Variants in DDC observed in about 807,000 individuals in gnomAD.
The protein encoded by DDC is aromatic-L-amino-acid decarboxylase.
In DDC, 43 loss-of-function variants were observed where a neutral mutation model predicts 60.0. The ratio of observed to expected loss-of-function variants is 0.72; its 90% CI spans 0.56 to 0.92. The LOEUF (loss-of-function observed/expected upper bound fraction) is 0.92. Among genes scored for constraint, DDC ranks in the 40% least tolerant of loss-of-function variants. DDC has a pLI of 0.00. For synonymous variants in DDC, 232 were observed against 234.6 expected (o/e 0.99, Z 0.10); for missense variants, 573 against 620.2 (o/e 0.92, Z 0.81).
chr7:50,505,587 T>C (rs1029659837), intron 6 of DDC, among the ~76,000 whole-genome samples: 2 of 152,232 alleles, frequency 1.3e-5, no homozygotes, highest in African/African-American at 4.8e-5. Context: ...CTTTTCCTTT[T>C]AGAGAGAGAC....
chr7:50,524,665 T>C (rs747097278), intron 6 of DDC, among the ~76,000 whole-genome samples: 2 of 152,132 alleles, frequency 1.3e-5, no homozygotes, highest in African/African-American at 4.8e-5. Context: ...ATAGTGACAA[T>C]ACCAAATGCT....
intron 6 of DDC, among the ~76,000 whole-genome samples, chr7:50,523,278 G>A (rs970594845): frequency 2.0e-5 from 3 of 152,060 alleles, no homozygotes; most frequent in African/African-American, 7.2e-5. Flanking sequence ...AATTTTTGGA[G>A]ACCACACCAA....
intron 2 of DDC, 84 bp from the exon 3 acceptor site, chr7:50,540,112 C>G (rs2153549195): frequency 9.5e-7 from 1 of 1,053,530 alleles, no homozygotes; most frequent in Non-Finnish European, 1.4e-6. Context: ...CCCCATGGCT[C>G]CCAGCTGCCA....
Position 50,525,314 on chromosome 7 carries a change from C to G in DDC, c.714+2823G>C, listed in dbSNP as rs1307291345. ...AACACTTGTGATAAATGACATAGAC[C>G]TATACACACACAATGAACCAGTGTC... On this transcript the variant is annotated intron_variant, in intron 6 of 14. Coordinates refer to ENST00000444124, the MANE Select transcript of DDC (RefSeq NM_001082971.2). 2.6e-5 allele frequency among the ~76,000 whole-genome samples: 4 copies of G among 152,042 alleles called. No individual in the cohort carries two copies. In the East Asian group the frequency reaches 5.8e-4, roughly 22 times the overall value.
At position 50,527,780 on chromosome 7, in the gene DDC, T is replaced by C. The variant is rs960943106; in HGVS notation, c.714+357A>G. 1.3e-4 allele frequency: 35 copies of C among 271,108 alleles called. No individual in the cohort carries two copies. In the South Asian group the frequency reaches 1.5e-3, roughly 11 times the overall value. 16.8% of individuals were successfully genotyped at this position (271,108 alleles called of 1,614,324 possible). A position where few individuals can be genotyped will look rare whatever the true frequency, so the allele number is the denominator to read the frequency against. On this transcript the variant is annotated intron_variant, in intron 6 of 14. Coordinates refer to ENST00000444124, the MANE Select transcript of DDC (RefSeq NM_001082971.2). ...TCTTTTTGCATCCTTCAAAATGTCT[T>C]GGCTGTCACCTTGCTCTGCGTGCTA...
chr7:50,530,469 G>A (rs2044168908), intron 4 of DDC, among the ~76,000 whole-genome samples: 2 of 152,146 alleles, frequency 1.3e-5, no homozygotes, highest in Admixed American at 1.3e-4. Context: ...CCAGTCAGTG[G>A]TATTTTGTTA....
chr7:50,459,828 A>G (rs2042218090), intron 14 of DDC: 2 of 131,514 alleles, frequency 1.5e-5, no homozygotes, highest in Non-Finnish European at 1.6e-5. Flanking sequence ...TCCGGGAGGG[A>G]GGTGGGGGAA....
At chr7:50,541,389 C>T (rs559220608) in intron 2 of DDC, 2 of 152,396 alleles carry the variant, frequency 1.3e-5, no homozygotes, top group African/African-American at 4.8e-5. Flanking sequence ...CTCTATCGGG[C>T]TTGGCTGCTC....
At chr7:50,501,907 C>G (rs984469435) in intron 7 of DDC, among the ~76,000 whole-genome samples, 1 of 152,032 alleles carries the variant, frequency 6.6e-6, no homozygotes, top group Non-Finnish European at 1.5e-5. Flanking sequence ...AACCCCATCT[C>G]TAATAAAAAT....
At chr7:50,545,771 C>A (rs992404247) in intron 1 of DDC, among the ~76,000 whole-genome samples, 1 of 152,330 alleles carries the variant, frequency 6.6e-6, no homozygotes, top group South Asian at 2.1e-4. Context: ...CCGCTCCCAG[C>A]CTCTAGAATA....
At chr7:50,556,332 C>T (rs1167817473) in intron 1 of DDC, among the ~76,000 whole-genome samples, 1 of 152,192 alleles carries the variant, frequency 6.6e-6, no homozygotes, top group African/African-American at 2.4e-5. Context: ...AGCCTTCTCT[C>T]TATGTCCTCA....
In DDC at chr7:50,495,427, A is replaced by T; in HGVS notation, c.877-10T>A. 6.3e-7 allele frequency: 1 copy of T among 1,597,598 alleles called. No individual in the cohort carries two copies. The highest frequency in any genetic ancestry group is 8.6e-7 in the Non-Finnish European group (1 of 1,165,978). On this transcript the variant is annotated splice_polypyrimidine_tract_variant and intron_variant, in intron 8 of 14. Transcript: ENST00000444124. Reference sequence around the variant, plus strand: ...TGAATGAATCTGCAAACTGCCAAAGAACAAGAGTAAGAAAAAGAAAACATT... The same window carrying T: ...TGAATGAATCTGCAAACTGCCAAAGTACAAGAGTAAGAAAAAGAAAACATT...
chr7:50,522,496 T>C (rs1245790160), intron 6 of DDC, among the ~76,000 whole-genome samples: 1 of 152,200 alleles, frequency 6.6e-6, no homozygotes, highest in African/African-American at 2.4e-5. Flanking sequence ...AGATCTGACA[T>C]GACACTACCC....
chr7:50,482,859 C>T lies in DDC; in HGVS notation c.945-2996G>A, dbSNP rs148160208. Among the ~76,000 whole-genome samples, 290 of 152,210 alleles carry T rather than the reference C, an allele frequency of 1.9e-3. 1 individual carries two copies. The highest frequency in any genetic ancestry group is 6.7e-3 in the African/African-American group (279 of 41,532). The stretch of plus-strand genomic sequence containing the variant: ...TAATGTAGATGTAAAAAAATGCAAC[C>T]TTAAAAATGTTAGTGTATCTAGACA... On this transcript the variant is annotated intron_variant, in intron 9 of 14. Coordinates refer to ENST00000444124, the MANE Select transcript of DDC (RefSeq NM_001082971.2).
chr7:50,535,002 C>A (rs1032403909), intron 4 of DDC, among the ~76,000 whole-genome samples: 1 of 152,206 alleles, frequency 6.6e-6, no homozygotes, highest in African/African-American at 2.4e-5. Context: ...GCTTCTCCAG[C>A]TGCATACTCA....
chr7:50,551,231 T>C (rs1005098557), intron 1 of DDC, among the ~76,000 whole-genome samples: 88 of 96,162 alleles, frequency 9.2e-4, no homozygotes, highest in African/African-American at 3.8e-3. Context: ...CCGTTGTACT[T>C]TTTTTTTTTT....
chr7:50,529,579 T>C (rs888771212), intron 4 of DDC, among the ~76,000 whole-genome samples: 1 of 152,186 alleles, frequency 6.6e-6, no homozygotes, highest in Non-Finnish European at 1.5e-5. Context: ...CAGCAGCAGC[T>C]AACATTTCTG....
chr7:50,544,963 G>A (rs182826922), intron 1 of DDC, among the ~76,000 whole-genome samples: 2 of 152,200 alleles, frequency 1.3e-5, no homozygotes, highest in Admixed American at 6.5e-5. Flanking sequence ...ACTCCTGTCT[G>A]GGGAAGCTTC....
At chr7:50,492,364 A>G (rs2043015011) in intron 9 of DDC, among the ~76,000 whole-genome samples, 1 of 152,222 alleles carries the variant, frequency 6.6e-6, no homozygotes, top group Non-Finnish European at 1.5e-5. Context: ...ATGGGACAAA[A>G]CCTTGGGTTT....
Sources: gnomAD v4.1 joint callset for allele counts (sites outside exome capture counted in the v4.1 genomes callset) on GRCh38, gnomAD v4.1.1 for gene constraint, MANE v1.5 for transcripts, NCBI Gene and HGNC (gene_info 2026-07-23, HGNC 2026-07-21) for gene names.